Variants in THBS4 observed in about 807,000 individuals in gnomAD.
The protein encoded by THBS4 is thrombospondin-4.
Under a neutral mutation model 115.7 loss-of-function variants are expected in THBS4, and 90 were observed. The ratio of observed to expected loss-of-function variants is 0.78; its 90% CI spans 0.66 to 0.93. The LOEUF (loss-of-function observed/expected upper bound fraction) is 0.93. THBS4 is among the 40% of genes least tolerant of loss of function. The pLI, the probability that THBS4 is intolerant of heterozygous loss-of-function variation, is 0.00. For synonymous variants in THBS4, 460 were observed against 479.3 expected, an observed-to-expected ratio of 0.96 and a Z score of 0.53; for missense variants, 1,087 against 1,232.7, an observed-to-expected ratio of 0.88 and a Z score of 1.77.
At chr5:80,047,634 T>TA (rs70982017) in intron 2 of THBS4, among the ~76,000 whole-genome samples, 34,541 of 138,996 alleles carry the variant, frequency 0.25, 4,078 homozygotes, top group Middle Eastern at 0.31. Flanking sequence ...AAATTAAGAA[T>TA]TTTTTTTTTT....
chr5:80,006,003 G>T (rs1009733466), intron 2 of THBS4, among the ~76,000 whole-genome samples: 1 of 152,046 alleles, frequency 6.6e-6, no homozygotes, highest in Non-Finnish European at 1.5e-5. Context: ...TTGACCTCGT[G>T]ATCCACTTTC....
At chr5:80,046,640 A>T (rs1833075450) in intron 2 of THBS4, among the ~76,000 whole-genome samples, 1 of 152,232 alleles carries the variant, frequency 6.6e-6, no homozygotes, top group Admixed American at 6.5e-5. Flanking sequence ...TGATAGATTA[A>T]AAAAACATGC....
rs753341776 is a variant in THBS4 at position 80,058,722 on chromosome 5, C to A, written c.664C>A (p.Gln222Lys). The A allele has an allele frequency of 8.1e-6, 13 of 1,614,164 alleles. No homozygotes were observed. Among genetic ancestry groups the A allele is most frequent in the Non-Finnish European group, 1.1e-5 (13 of 1,180,022 alleles). The change falls in exon 5 of 22, where the codon CAG (glutamine) becomes AAG (lysine). Residue 222 changes from glutamine to lysine, a missense_variant. Gln to Lys is a moderately conservative substitution (Grantham distance 53). This residue lies in a region of THBS4 where 979 missense variants were observed against 1,103.7 expected (regional missense o/e 0.89). Coordinates refer to ENST00000350881, the MANE Select transcript of THBS4 (RefSeq NM_003248.6). ...TGTTCCTACAGGGGACTTTAACCGG[C>A]AGTTCTTGGGTCAAATGACACAATT... ...AATGTGDFNR[Q>K]FLGQMTQLNQ...
intron 20 of THBS4, among the ~76,000 whole-genome samples, chr5:80,081,209 C>T (rs1367679462): frequency 2.0e-5 from 3 of 152,122 alleles, no homozygotes; most frequent in Non-Finnish European, 2.9e-5. Context: ...ATCATGAGGG[C>T]AAATTCATGT....
At chr5:80,073,047 C>G (rs527349516) in intron 14 of THBS4, among the ~76,000 whole-genome samples, 4 of 152,330 alleles carry the variant, frequency 2.6e-5, no homozygotes, top group Admixed American at 2.0e-4. Flanking sequence ...ATCAGCTCAT[C>G]TGGTGTGTGG....
intron 1 of THBS4, among the ~76,000 whole-genome samples, chr5:80,036,608 T>G (rs1832727395): frequency 6.6e-6 from 1 of 152,188 alleles, no homozygotes; most frequent in African/African-American, 2.4e-5. Flanking sequence ...CTCAAACCCC[T>G]TGGTGAAATG....
chr5:80,032,109 GATATTTTA>G (rs1832596732), upstream of THBS4, among the ~76,000 whole-genome samples: 1 of 152,090 alleles, frequency 6.6e-6, no homozygotes, highest in Admixed American at 6.5e-5. Context: ...TACATGAATA[GATATTTTA>G]ATAAGAAGTG....
chr5:80,029,538 G>A (rs548350471), intron 2 of THBS4, among the ~76,000 whole-genome samples: 30 of 152,200 alleles, frequency 2.0e-4, no homozygotes, highest in African/African-American at 6.5e-4. Flanking sequence ...TATTAAAGAG[G>A]TTAATGATAA....
At chr5:80,004,367 G>A (rs530954293) in intron 2 of THBS4, among the ~76,000 whole-genome samples, 1 of 152,290 alleles carries the variant, frequency 6.6e-6, no homozygotes, top group South Asian at 2.1e-4. Context: ...CTTCTAGGTA[G>A]GTGCTCCCAT....
intron 2 of THBS4, among the ~76,000 whole-genome samples, chr5:80,018,454 G>A (rs1307942407): frequency 6.9e-6 from 1 of 145,704 alleles, no homozygotes; most frequent in Non-Finnish European, 1.5e-5. Flanking sequence ...GAGTGCAATG[G>A]CATGATCTCG....
In THBS4 at chr5:80,050,367, T is replaced by C. The variant is rs139969164; in HGVS notation, c.293-5418T>C. On this transcript the variant is annotated intron_variant, in intron 2 of 21. Transcript: ENST00000350881. ...GGGCTTGGGAAGTGGGGAGTGCTGA[T>C]TGGTCAGGCTGGAAATGAAATCATA... 7.1e-3 allele frequency among the ~76,000 whole-genome samples: 1,086 copies of C among 152,174 alleles called. 11 individuals are homozygous for C. Among genetic ancestry groups the C allele is most frequent in the Non-Finnish European group, 8.8e-3 (601 of 68,008 alleles).
intron 2 of THBS4, among the ~76,000 whole-genome samples, chr5:80,027,860 C>T (rs1248902721): frequency 7.1e-6 from 1 of 141,020 alleles, no homozygotes; most frequent in African/African-American, 2.7e-5. Context: ...TGCCACTGCA[C>T]TCCAGCCTGG....
chr5:80,056,369 C>A (rs1561313351), intron 3 of THBS4, among the ~76,000 whole-genome samples: 1 of 152,024 alleles, frequency 6.6e-6, no homozygotes, highest in African/African-American at 2.4e-5. Flanking sequence ...AAAGGAAGGG[C>A]AAAAGTAAAA....
chr5:80,083,133 G>C lies in THBS4; in HGVS notation c.2878G>C (p.Asp960His), dbSNP rs1743615664. ...EFQTQNFDRF[D>H]N is the part of the protein sequence containing the mutation. ...TCAAACCCAGAATTTCGACCGCTTC[G>C]ATAATTAAACCAAGGAAGCAATCTG... is the stretch of plus-strand genomic sequence containing the variant. Residue 960 changes from aspartate (D) to histidine (H), a missense_variant, in exon 22 of 22, where the codon GAT becomes CAT. This residue lies in a region of THBS4 where 103 missense variants were observed against 108.2 expected (regional missense o/e 0.95). Transcript: ENST00000350881. 6.2e-7 allele frequency: 1 copy of C among 1,613,294 alleles called. No individual in the cohort carries two copies. The highest frequency in any genetic ancestry group is 1.1e-5 in the South Asian group (1 of 91,060).
At chr5:80,063,857 A>G (rs1483667405) in intron 8 of THBS4, among the ~76,000 whole-genome samples, 1 of 152,242 alleles carries the variant, frequency 6.6e-6, no homozygotes, top group African/African-American at 2.4e-5. Flanking sequence ...GTCAAAGAAA[A>G]TAAAAGGAAA....
chr5:80,040,160 C>T lies in THBS4; in HGVS notation c.172C>T (p.Leu58Phe). ...CCTGACAGACCCCGCCCTGAATGAT[C>T]TCTATGTGATTTCCACCTTCAAGCT... ...PVLTDPALND[L>F]YVISTFKLQT... The change falls in exon 2 of 22, where the codon CTC becomes TTC. Residue 58 changes from leucine (L) to phenylalanine (F), a missense_variant. Physicochemically the swap from Leu to Phe is conservative, Grantham distance 22 (BLOSUM62 0). This residue lies in a region of THBS4 where 979 missense variants were observed against 1,103.7 expected (regional missense o/e 0.89). Transcript: ENST00000350881. 1 of 1,614,198 alleles carries T rather than the reference C, an allele frequency of 6.2e-7. No individual in the cohort carries two copies. Among genetic ancestry groups the T allele is most frequent in the Non-Finnish European group, 8.5e-7 (1 of 1,180,038 alleles).
At chr5:80,021,355 A>G (rs1832370002) in intron 2 of THBS4, among the ~76,000 whole-genome samples, 2 of 152,212 alleles carry the variant, frequency 1.3e-5, no homozygotes, top group Admixed American at 1.3e-4. Flanking sequence ...AAAAGGTAAA[A>G]CAATGCTAGT....
Position 80,040,147 on chromosome 5 carries a change from C to T in THBS4, c.159C>T (p.Pro53=), listed in dbSNP as rs775493782. 9.3e-6 allele frequency: 15 copies of T among 1,614,030 alleles called. No homozygotes were observed. The highest frequency in any genetic ancestry group is 3.3e-5 in the Admixed American group (2 of 59,998). Residue 53 remains proline (P), a synonymous_variant, in exon 2 of 22, where the codon CCC becomes CCT. Coordinates refer to ENST00000350881, the MANE Select transcript of THBS4 (RefSeq NM_003248.6). ...CTCTGCTGCCAGTCCTGACAGACCC[C>T]GCCCTGAATGATCTCTATGTGATTT... ...PGALLPVLTD[P]ALNDLYVIST...
At chr5:80,041,751 T>C (rs934743436) in intron 2 of THBS4, among the ~76,000 whole-genome samples, 2 of 152,214 alleles carry the variant, frequency 1.3e-5, no homozygotes, top group Admixed American at 6.5e-5. Flanking sequence ...TTCCTGTTTA[T>C]TAAGGAATGT....
Sources: gnomAD v4.1 joint callset for allele counts (sites outside exome capture counted in the v4.1 genomes callset) on GRCh38, gnomAD v4.1.1 for gene constraint, gnomAD v4.1.1 regional missense constraint, MANE v1.5 for transcripts, NCBI Gene and HGNC (gene_info 2026-07-23, HGNC 2026-07-21) for gene names.